Variants in GABRB1 observed in about 807,000 individuals in gnomAD.
The protein encoded by GABRB1 is gamma-aminobutyric acid receptor subunit beta-1.
A neutral mutation model predicts 51.6 loss-of-function variants in GABRB1; 17 were observed. The observed-to-expected ratio is 0.33, with a 90% CI of 0.23 to 0.49. GABRB1 has a LOEUF of 0.49. Ranked by LOEUF, GABRB1 falls within the 20% of genes least tolerant of loss-of-function variation. GABRB1 has a pLI of 0.99. For synonymous variants in GABRB1, 247 were observed against 218.9 expected, an observed-to-expected ratio of 1.13 and a Z score of -1.14; for missense variants, 410 against 600.6, an observed-to-expected ratio of 0.68 and a Z score of 3.32.
chr4:47,381,073 A>T (rs2110029344), intron 5 of GABRB1, among the ~76,000 whole-genome samples: 1 of 152,286 alleles, frequency 6.6e-6, no homozygotes, highest in South Asian at 2.1e-4. Flanking sequence ...CCAGGAGAGC[A>T]GGGAAATGTG....
chr4:47,240,940 G>A (rs2109847955), intron 4 of GABRB1, among the ~76,000 whole-genome samples: 1 of 152,114 alleles, frequency 6.6e-6, no homozygotes, highest in East Asian at 1.9e-4. Context: ...TAATGGAAAT[G>A]AAAATTGTAC....
At chr4:47,082,493 A>T (rs1391491169) in intron 3 of GABRB1, among the ~76,000 whole-genome samples, 2 of 152,102 alleles carry the variant, frequency 1.3e-5, no homozygotes, top group African/African-American at 4.8e-5. Context: ...TTTAAAAGAG[A>T]ACAACTTTCT....
At chr4:47,036,229 C>T (rs1227266473) in intron 3 of GABRB1, among the ~76,000 whole-genome samples, 3 of 152,122 alleles carry the variant, frequency 2.0e-5, no homozygotes, top group Non-Finnish European at 4.4e-5. Flanking sequence ...ACCAAATATC[C>T]ACTTAAAATT....
At chr4:47,263,144 G>T (rs1024325326) in intron 4 of GABRB1, among the ~76,000 whole-genome samples, 1 of 151,518 alleles carries the variant, frequency 6.6e-6, no homozygotes, top group South Asian at 2.1e-4. Context: ...GTATACATAT[G>T]TAACTAACCT....
intron 4 of GABRB1, among the ~76,000 whole-genome samples, chr4:47,188,019 A>T (rs567997305): frequency 1.1e-4 from 17 of 151,984 alleles, no homozygotes; most frequent in African/African-American, 3.9e-4. Flanking sequence ...AGCAATTATA[A>T]CCATTTTTCA....
At chr4:47,212,092 A>G (rs1047539480) in intron 4 of GABRB1, among the ~76,000 whole-genome samples, 5 of 152,062 alleles carry the variant, frequency 3.3e-5, no homozygotes, top group Admixed American at 3.3e-4. Context: ...GGAATGGAAC[A>G]GTTATCAGAA....
intron 3 of GABRB1, among the ~76,000 whole-genome samples, chr4:47,154,072 GGATACA>G (rs1217075081): frequency 1.3e-5 from 2 of 152,040 alleles, no homozygotes; most frequent in African/African-American, 4.8e-5. Flanking sequence ...CAAACCTGAA[GGATACA>G]GTGATGAATT....
chr4:47,308,250 A>T (rs4627835), intron 4 of GABRB1, among the ~76,000 whole-genome samples: 26,095 of 152,054 alleles, frequency 0.17, 2,377 homozygotes, highest in Non-Finnish European at 0.21. Flanking sequence ...ACAGAATCCT[A>T]AGTATGATTA....
At chr4:47,131,355 C>T (rs62305317) in intron 3 of GABRB1, among the ~76,000 whole-genome samples, 37,222 of 151,906 alleles carry the variant, frequency 0.25, 5,375 homozygotes, top group African/African-American at 0.4. Context: ...GATGGGGTTT[C>T]GCCATGTTGG....
chr4:47,113,196 G>A (rs1248442218), intron 3 of GABRB1, among the ~76,000 whole-genome samples: 1 of 152,010 alleles, frequency 6.6e-6, no homozygotes, highest in Non-Finnish European at 1.5e-5. Context: ...GATCAGCCTG[G>A]CTAACATAGT....
chr4:47,154,226 T>G (rs1717583491), intron 3 of GABRB1, among the ~76,000 whole-genome samples: 1 of 150,968 alleles, frequency 6.6e-6, no homozygotes, highest in Non-Finnish European at 1.5e-5. Context: ...CATTTTTCAC[T>G]GAATGTCTTT....
intron 5 of GABRB1, among the ~76,000 whole-genome samples, chr4:47,393,480 C>T (rs1728077554): frequency 6.6e-6 from 1 of 152,180 alleles, no homozygotes; most frequent in South Asian, 2.1e-4. Context: ...TCTCCCTACA[C>T]TCAATCCTGG....
intron 3 of GABRB1, among the ~76,000 whole-genome samples, chr4:47,075,021 T>C (rs577780905): frequency 1.3e-4 from 20 of 152,238 alleles, no homozygotes; most frequent in African/African-American, 4.8e-4. Context: ...CTTCCAAAAT[T>C]AAAAATGGCT....
chr4:47,374,666 A>C (rs1727317296), intron 5 of GABRB1, among the ~76,000 whole-genome samples: 1 of 152,186 alleles, frequency 6.6e-6, no homozygotes, highest in Admixed American at 6.5e-5. Context: ...TGAACTCCTA[A>C]ATAACACTGA....
At chr4:47,143,134 T>C (rs1018253850) in intron 3 of GABRB1, among the ~76,000 whole-genome samples, 19 of 151,906 alleles carry the variant, frequency 1.3e-4, no homozygotes, top group African/African-American at 4.6e-4. Context: ...TATTCTGGTA[T>C]GACTTTTCTA....
intron 5 of GABRB1, among the ~76,000 whole-genome samples, chr4:47,333,194 TTATA>T (rs1162712786): frequency 1.3e-3 from 152 of 113,140 alleles, no homozygotes; most frequent in Non-Finnish European, 2.3e-3. Flanking sequence ...CCCATTTTAT[TTATA>T]TATATATATA....
chr4:47,177,147 C>A (rs1279892186), intron 4 of GABRB1, among the ~76,000 whole-genome samples: 1 of 152,024 alleles, frequency 6.6e-6, no homozygotes, highest in Admixed American at 6.6e-5. Flanking sequence ...GAGAACACAA[C>A]TGAAATGGCA....
At chr4:47,014,415 T>C (rs1288386560) in intron 1 of GABRB1, among the ~76,000 whole-genome samples, 4 of 152,328 alleles carry the variant, frequency 2.6e-5, no homozygotes, top group East Asian at 1.9e-4. Flanking sequence ...GTTTGTATTA[T>C]AGGATAAGCA....
intron 4 of GABRB1, among the ~76,000 whole-genome samples, chr4:47,295,319 G>A (rs180856639): frequency 9.5e-4 from 145 of 152,272 alleles, no homozygotes; most frequent in African/African-American, 3.3e-3. Flanking sequence ...CGAGCTACAG[G>A]AGGAAATTCA....
Sources: gnomAD v4.1 joint callset for allele counts (sites outside exome capture counted in the v4.1 genomes callset) on GRCh38, gnomAD v4.1.1 for gene constraint, MANE v1.5 for transcripts, NCBI Gene and HGNC (gene_info 2026-07-23, HGNC 2026-07-21) for gene names.